The following ZBTB7C variants were observed in gnomAD, a reference collection of about 807,000 sequenced individuals.
The protein encoded by ZBTB7C is zinc finger and BTB domain containing 7C.
ZBTB7C carries 8 observed loss-of-function variants against 25.7 expected under a neutral mutation model. That is an observed-to-expected ratio of 0.31 (90% CI 0.18 to 0.56). ZBTB7C has a LOEUF of 0.56. ZBTB7C is among the 20% of genes least tolerant of loss of function. The pLI is 0.91. For synonymous variants in ZBTB7C, 394 were observed against 369.0 expected, an observed-to-expected ratio of 1.07 and a Z score of -0.78; for missense variants, 824 against 855.2, an observed-to-expected ratio of 0.96 and a Z score of 0.46.
chr18:48,059,014 G>A (rs528942073), intron 3 of ZBTB7C, among the ~76,000 whole-genome samples: 12 of 152,186 alleles, frequency 7.9e-5, no homozygotes, highest in South Asian at 4.1e-4. Flanking sequence ...GAGCCAGAAC[G>A]TTCCAGCTAA....
chr18:48,157,451 G>A (rs1310207082), intron 3 of ZBTB7C, among the ~76,000 whole-genome samples: 1 of 152,136 alleles, frequency 6.6e-6, no homozygotes, highest in Non-Finnish European at 1.5e-5. Flanking sequence ...GATCAGATAA[G>A]AAGTGGTCCT....
At position 48,083,434 on chromosome 18, in the gene ZBTB7C, C is replaced by T. The variant is rs75921430; in HGVS notation, c.-16-42311G>A. On this transcript the variant is annotated intron_variant, in intron 3 of 4. Transcript: ENST00000590800. ...CTTTAGCCCCTCGTCCCCTGCCTGT[C>T]CTCACCCACCCTACCCCTCCTCACC... 3.9e-3 allele frequency among the ~76,000 whole-genome samples: 586 copies of T among 151,934 alleles called. 2 individuals are homozygous for T. The highest frequency in any genetic ancestry group is 6.2e-3 in the Non-Finnish European group (424 of 68,006).
intron 2 of ZBTB7C, among the ~76,000 whole-genome samples, chr18:48,333,941 A>C (rs1197519490): frequency 6.6e-6 from 1 of 152,198 alleles, no homozygotes; most frequent in Non-Finnish European, 1.5e-5. Flanking sequence ...ATTCCAGTGC[A>C]GCTTAAGCCC....
chr18:48,388,885 T>C (rs1355967825), intron 1 of ZBTB7C, among the ~76,000 whole-genome samples: 1 of 152,184 alleles, frequency 6.6e-6, no homozygotes, highest in Non-Finnish European at 1.5e-5. Flanking sequence ...CTAGAACAAG[T>C]AGGGACAAAA....
At chr18:48,161,620 C>A (rs1018618670) in intron 3 of ZBTB7C, among the ~76,000 whole-genome samples, 70 of 152,072 alleles carry the variant, frequency 4.6e-4, no homozygotes, top group African/African-American at 1.7e-3. Flanking sequence ...ACCACAGCCG[C>A]TCCGCCCGGC....
chr18:48,211,032 C>T (rs779145433), intron 2 of ZBTB7C, among the ~76,000 whole-genome samples: 1 of 152,014 alleles, frequency 6.6e-6, no homozygotes, highest in Non-Finnish European at 1.5e-5. Flanking sequence ...TAGGAATAAA[C>T]CCACATAAAT....
chr18:48,224,324 G>A (rs544381146), intron 2 of ZBTB7C, among the ~76,000 whole-genome samples: 1 of 152,094 alleles, frequency 6.6e-6, no homozygotes, highest in Non-Finnish European at 1.5e-5. Context: ...AAACATTAAG[G>A]CACAAGATCT....
chr18:48,198,972 C>T (rs527688884), intron 2 of ZBTB7C, among the ~76,000 whole-genome samples: 1 of 152,358 alleles, frequency 6.6e-6, no homozygotes, highest in South Asian at 2.1e-4. Flanking sequence ...CCTGAAACGA[C>T]TTTATTCCTC....
At chr18:48,057,745 G>A (rs2036972946) in intron 3 of ZBTB7C, among the ~76,000 whole-genome samples, 1 of 151,860 alleles carries the variant, frequency 6.6e-6, no homozygotes. Flanking sequence ...ATTTGTTCTG[G>A]GGCCTTCAGC....
intron 3 of ZBTB7C, among the ~76,000 whole-genome samples, chr18:48,049,916 C>T (rs116336675): frequency 0.029 from 4,479 of 152,278 alleles, 89 homozygotes; most frequent in African/African-American, 0.032. Context: ...CCCAGCCAGC[C>T]GACTCCCACT....
chr18:48,069,230 C>T (rs2037452131), intron 3 of ZBTB7C, among the ~76,000 whole-genome samples: 1 of 152,228 alleles, frequency 6.6e-6, no homozygotes, highest in Admixed American at 6.5e-5. Context: ...CTGTGGGTGG[C>T]ACGCCTGTTA....
chr18:48,234,151 A>C (rs1304848065), intron 2 of ZBTB7C, among the ~76,000 whole-genome samples: 5 of 152,096 alleles, frequency 3.3e-5, no homozygotes, highest in Non-Finnish European at 5.9e-5. Context: ...TCCAGCAAAA[A>C]AAAAAACAAC....
intron 3 of ZBTB7C, among the ~76,000 whole-genome samples, chr18:48,054,411 G>C (rs2036831088): frequency 6.6e-6 from 1 of 152,164 alleles, no homozygotes; most frequent in Non-Finnish European, 1.5e-5. Flanking sequence ...GCTGCCGTGG[G>C]GGGTGGCAGC....
chr18:48,325,439 A>G (rs1480947801), intron 2 of ZBTB7C, among the ~76,000 whole-genome samples: 2 of 152,244 alleles, frequency 1.3e-5, no homozygotes. Flanking sequence ...CTAATATGAA[A>G]CATGTGTGAA....
chr18:48,158,894 C>T (rs1402542724), intron 3 of ZBTB7C, among the ~76,000 whole-genome samples: 1 of 152,192 alleles, frequency 6.6e-6, no homozygotes, highest in Admixed American at 6.5e-5. Flanking sequence ...GGACAGGCTA[C>T]AGGGGAGCAT....
rs889706567 is a variant in ZBTB7C, at chr18:48,074,372, G to A, written c.-16-33249C>T. On this transcript the variant is annotated intron_variant, in intron 3 of 4. Coordinates refer to ENST00000590800, the MANE Select transcript of ZBTB7C (RefSeq NM_001318841.2). ...GGGGGGCAGTCATTCCTGAGATATC[G>A]CTTTTTCCTTCATATAACACAGCCC... is the stretch of plus-strand genomic sequence containing the variant. 2.6e-5 allele frequency among the ~76,000 whole-genome samples: 4 copies of A among 152,248 alleles called. No individual in the cohort carries two copies. In the East Asian group the frequency reaches 7.7e-4, roughly 29 times the overall value.
At chr18:48,410,106 T>G (rs1242459730), upstream of ZBTB7C, among the ~76,000 whole-genome samples, 3 of 152,020 alleles carry the variant, frequency 2.0e-5, no homozygotes, top group East Asian at 5.8e-4. Flanking sequence ...ACTCGGCAAC[T>G]GCTTTTCTAC....
chr18:48,040,251 T>A lies in ZBTB7C; in HGVS notation c.857A>T (p.Asn286Ile). 1 of 1,562,094 alleles carries A rather than the reference T, an allele frequency of 6.4e-7. No homozygotes were observed. The highest frequency in any genetic ancestry group is 1.2e-5 in the South Asian group (1 of 81,644). Residue 286 changes from asparagine (N) to isoleucine (I), a missense_variant, in exon 4 of 5, where the codon AAT becomes ATT. Physicochemically the swap from Asn to Ile is moderately radical, Grantham distance 149 (BLOSUM62 -3). Coordinates refer to ENST00000590800, the MANE Select transcript of ZBTB7C (RefSeq NM_001318841.2). ...DSGPLDLVIK[N>I]RKIKEEEKEE... ...CTTCTCCTCCTCCTTGATCTTCCGA[T>A]TCTTGATGACCAGATCCAGTGGCCC...
In ZBTB7C at chr18:48,240,682, A is replaced by ACTG. The variant is rs547259956; in HGVS notation, c.-78-54690_-78-54688dup. On this transcript the variant is annotated intron_variant, in intron 2 of 4. Coordinates refer to ENST00000590800, the MANE Select transcript of ZBTB7C (RefSeq NM_001318841.2). The stretch of plus-strand genomic sequence containing the variant: ...ACCACTCCAAGCCAGCACTACAAGA[A>ACTG]CTGCTCAAAGGAGTTCTAAATCTTG... Among the ~76,000 whole-genome samples the ACTG allele has an allele frequency of 5.3e-5, 8 of 152,334 alleles. 1 individual carries two copies. In the South Asian group the frequency reaches 1.7e-3, roughly 32 times the overall value.
Sources: allele counts gnomAD v4.1 joint callset (sites outside exome capture counted in the v4.1 genomes callset), GRCh38; gene constraint gnomAD v4.1.1; transcripts MANE v1.5; gene names NCBI Gene and HGNC (gene_info 2026-07-23, HGNC 2026-07-21).